The following WBP2NL variants were observed in gnomAD, a reference collection of about 807,000 sequenced individuals.
The protein encoded by WBP2NL is WBP2 N-terminal like.
In WBP2NL, 27 loss-of-function variants were observed where a neutral mutation model predicts 23.3. The observed-to-expected ratio is 1.16, with a 90% CI of 0.85 to 1.60. The LOEUF is 1.60. Ranked by LOEUF, WBP2NL falls within the 40% of genes most tolerant of loss-of-function variation. The pLI is 0.00. For synonymous variants in WBP2NL, 151 were observed against 145.9 expected (o/e 1.03, Z -0.25); for missense variants, 370 against 389.5 (o/e 0.95, Z 0.42).
chr22:42,053,432 T>C (rs549412861), intron 8 of WBP2NL, among the ~76,000 whole-genome samples: 11 of 152,082 alleles, frequency 7.2e-5, no homozygotes, highest in Non-Finnish European at 1.5e-4. Context: ...CAATGTAACA[T>C]GGGCATCTTT....
chr22:42,012,204 G>A (rs987814715), intron 1 of WBP2NL, among the ~76,000 whole-genome samples: 20 of 151,032 alleles, frequency 1.3e-4, no homozygotes, highest in Admixed American at 2.6e-4. Context: ...TTCTATTCTC[G>A]CTTTTATTTA....
At chr22:42,014,118 A>G (rs1923091181) in intron 1 of WBP2NL, among the ~76,000 whole-genome samples, 1 of 151,176 alleles carries the variant, frequency 6.6e-6, no homozygotes, top group South Asian at 2.1e-4. Flanking sequence ...GTGAGGTTTC[A>G]CTATGTTGCC....
chr22:42,001,656 T>C, intron 1 of WBP2NL: 2 of 1,193,636 alleles, frequency 1.7e-6, no homozygotes, highest in Admixed American at 1.7e-5. Context: ...TGGGATCTCT[T>C]GTCCACACCA....
chr22:42,055,584 G>A (rs911039368), intron 8 of WBP2NL, among the ~76,000 whole-genome samples: 6 of 152,174 alleles, frequency 3.9e-5, no homozygotes, highest in African/African-American at 9.7e-5. Context: ...CTGCTATTGG[G>A]TGGAATGTTC....
chr22:42,026,288 TAATA>T (rs1053945397), intron 5 of WBP2NL, among the ~76,000 whole-genome samples: 17 of 132,890 alleles, frequency 1.3e-4, no homozygotes, highest in African/African-American at 6.1e-4. Context: ...ATAATAATAA[TAATA>T]ATAATAATAA....
intron 1 of WBP2NL, among the ~76,000 whole-genome samples, chr22:42,011,417 C>CT (rs575621179): frequency 2.6e-3 from 396 of 151,282 alleles, no homozygotes; most frequent in Non-Finnish European, 4.4e-3. Flanking sequence ...CCACACCCAA[C>CT]TTTTTTTTTA....
intron 8 of WBP2NL, among the ~76,000 whole-genome samples, chr22:42,053,635 T>G (rs1176714625): frequency 1.3e-5 from 2 of 151,980 alleles, no homozygotes; most frequent in African/African-American, 4.8e-5. Context: ...AATTTTTGTA[T>G]TTTTAGTAGA....
intron 4 of WBP2NL, among the ~76,000 whole-genome samples, chr22:42,021,606 C>T (rs2064944567): frequency 6.6e-6 from 1 of 152,132 alleles, no homozygotes; most frequent in Admixed American, 6.6e-5. Flanking sequence ...CACTTCCTCA[C>T]ATTGGTCTTT....
chr22:42,009,258 C>T (rs957574752), intron 1 of WBP2NL, among the ~76,000 whole-genome samples: 5 of 152,158 alleles, frequency 3.3e-5, no homozygotes, highest in Admixed American at 2.6e-4. Context: ...TCTCCCATTC[C>T]ATAGGTTGCT....
In WBP2NL at chr22:42,027,120, C is replaced by T. The variant is rs1271911310; in HGVS notation, c.869C>T (p.Ala290Val). 3 of 1,614,042 alleles carry T rather than the reference C, an allele frequency of 1.9e-6. No homozygotes were observed. The highest frequency in any genetic ancestry group is 1.3e-5 in the African/African-American group (1 of 74,930). Residue 290 changes from alanine (A) to valine (V), a missense_variant, in exon 6 of 6, where the codon GCC becomes GTC. Physicochemically the swap from Ala to Val is moderately conservative, Grantham distance 64. Transcript: ENST00000328823. ...GCCAGGCCTCAGGAATCTACAGCAG[C>T]CCAGGCTCCTGAAAACGAGGCTTCT... ...SGARPQESTA[A>V]QAPENEASLP...
intron 4 of WBP2NL, among the ~76,000 whole-genome samples, chr22:42,020,908 A>T (rs11090067): frequency 0.074 from 832 of 11,204 alleles, 46 homozygotes; most frequent in Middle Eastern, 0.14. Flanking sequence ...ATATATATAT[A>T]TTTTTTTTTT....
chr22:42,041,430 C>T (rs1474460154), intron 8 of WBP2NL, among the ~76,000 whole-genome samples: 4 of 147,048 alleles, frequency 2.7e-5, no homozygotes, highest in East Asian at 2.0e-4. Flanking sequence ...TACAGTGAGC[C>T]GAGATCATGC....
In WBP2NL at chr22:42,019,433, C is replaced by A. The variant is rs186115195; in HGVS notation, c.171+14C>A. The A allele has an allele frequency of 1.7e-5, 28 of 1,603,946 alleles. No individual in the cohort carries two copies. The South Asian group carries it at 2.7e-4, about 15-fold the overall frequency. On this transcript the variant is annotated intron_variant, in intron 2 of 5. Transcript: ENST00000328823. Reference sequence around the variant, plus strand: ...ACTTCATACCGGGTAATTTCTACTTCTACTTTAATCTGCTGATTAACTCTA... The same window carrying A: ...ACTTCATACCGGGTAATTTCTACTTATACTTTAATCTGCTGATTAACTCTA...
chr22:42,006,431 C>G (rs2146759605), intron 1 of WBP2NL, among the ~76,000 whole-genome samples: 1 of 152,292 alleles, frequency 6.6e-6, no homozygotes, highest in South Asian at 2.1e-4. Flanking sequence ...GATGGGGTTT[C>G]ACTGTGTTAG....
At chr22:42,029,102 T>C (rs960098517), downstream of WBP2NL, among the ~76,000 whole-genome samples, 5 of 152,194 alleles carry the variant, frequency 3.3e-5, no homozygotes, top group African/African-American at 7.2e-5. Context: ...CTTAATTTCA[T>C]TGGCCTTTCC....
At chr22:42,036,318 G>C (rs1260553849), downstream of WBP2NL, among the ~76,000 whole-genome samples, 1 of 152,122 alleles carries the variant, frequency 6.6e-6, no homozygotes, top group East Asian at 1.9e-4. Flanking sequence ...GGGACCACAG[G>C]CATCTGCCAC....
chr22:42,001,605 C>T, intron 1 of WBP2NL: 3 of 1,150,466 alleles, frequency 2.6e-6, no homozygotes, highest in Non-Finnish European at 2.6e-6. Context: ...GCCCCAGTGG[C>T]ACCGCCTGAT....
At chr22:41,999,537 G>A (rs1921367467) in intron 1 of WBP2NL, among the ~76,000 whole-genome samples, 1 of 152,210 alleles carries the variant, frequency 6.6e-6, no homozygotes, top group Admixed American at 6.5e-5. Flanking sequence ...TATCCCAACA[G>A]TTTGGGAAGC....
downstream of WBP2NL, among the ~76,000 whole-genome samples, chr22:42,033,856 A>G (rs1202402394): frequency 6.6e-6 from 1 of 152,226 alleles, no homozygotes; most frequent in East Asian, 1.9e-4. Flanking sequence ...CGATTGGTCC[A>G]TATGTGGCCA....
Sources: allele counts gnomAD v4.1 joint callset (sites outside exome capture counted in the v4.1 genomes callset), GRCh38; gene constraint gnomAD v4.1.1; transcripts MANE v1.5; gene names NCBI Gene and HGNC (gene_info 2026-07-23, HGNC 2026-07-21).